The following ICA1 variants were observed in gnomAD, a reference collection of about 807,000 sequenced individuals.
ICA1 encodes the protein islet cell autoantigen 1.
Under a neutral mutation model 71.0 loss-of-function variants are expected in ICA1, and 40 were observed. That is an observed-to-expected ratio of 0.56 (90% CI 0.44 to 0.73). ICA1 has a LOEUF of 0.73. Ranked by LOEUF, ICA1 falls within the 30% of genes least tolerant of loss-of-function variation. ICA1 has a pLI of 0.00. For missense variants in ICA1, 578 were observed against 576.5 expected, an observed-to-expected ratio of 1.00 and a Z score of -0.03; for synonymous variants, 207 against 209.5, an observed-to-expected ratio of 0.99 and a Z score of 0.10.
At chr7:8,174,172 T>G (rs1779751837) in intron 6 of ICA1, among the ~76,000 whole-genome samples, 1 of 152,158 alleles carries the variant, frequency 6.6e-6, no homozygotes, top group Non-Finnish European at 1.5e-5. Context: ...TATGCGTGGC[T>G]TGTTCTAGGA....
rs572201952 is a variant in ICA1 at position 8,123,860 on chromosome 7, C to T, written c.1330+4013G>A. On this transcript the variant is annotated intron_variant, in intron 13 of 13. Coordinates refer to ENST00000402384, the MANE Select transcript of ICA1 (RefSeq NM_001136020.3). This position sits in a 1 kb window ranked among gnomAD's most constrained non-coding sequence, Gnocchi z 4.1. ...GGTGAAAGGCATGGATTCTGGAGTCCGGCTGCCTGGGCTCAAAATCCGGCC... is the reference window on the plus strand; with the variant it reads ...GGTGAAAGGCATGGATTCTGGAGTCTGGCTGCCTGGGCTCAAAATCCGGCC... Among the ~76,000 whole-genome samples, 8 of 152,316 alleles carry T rather than the reference C, an allele frequency of 5.3e-5. No homozygotes were observed. The East Asian group carries it at 1.2e-3, about 22-fold the overall frequency.
intron 9 of ICA1, among the ~76,000 whole-genome samples, chr7:8,143,228 C>A (rs1795810111): frequency 6.6e-6 from 1 of 152,158 alleles, no homozygotes. Context: ...AGAAAGGGAA[C>A]CATGCACCAC....
At position 8,218,167 on chromosome 7, in the gene ICA1, C is replaced by T. The variant is rs1583374157; in HGVS notation, c.579+138G>A. ...TGTATCACATTAATTGGTATTCTGT[C>T]ACATAAAAAGACACCAGCGATGATT... is the stretch of plus-strand genomic sequence containing the variant. On this transcript the variant is annotated intron_variant, in intron 6 of 13. Transcript: ENST00000402384. 4.2e-6 allele frequency: 3 copies of T among 706,420 alleles called. No individual in the cohort carries two copies. In the East Asian group the frequency reaches 7.5e-5, roughly 18 times the overall value. The allele number at this position is 706,420 out of a possible 1,614,324, so 43.8% of individuals were successfully genotyped here.
intron 1 of ICA1, among the ~76,000 whole-genome samples, chr7:8,253,622 A>G (rs117910106): frequency 0.019 from 2,911 of 152,264 alleles, 42 homozygotes; most frequent in Non-Finnish European, 0.028. Flanking sequence ...TTATAATCAT[A>G]TTTTTATATT....
intron 1 of ICA1, among the ~76,000 whole-genome samples, chr7:8,254,755 A>C (rs1809462704): frequency 6.6e-6 from 1 of 151,934 alleles, no homozygotes; most frequent in African/African-American, 2.4e-5. Context: ...AGGAAGCAGA[A>C]AGTGGGGAGT....
chr7:8,127,138 GCCTA>G (rs1476646512), intron 13 of ICA1, among the ~76,000 whole-genome samples: 2 of 149,528 alleles, frequency 1.3e-5, no homozygotes, highest in South Asian at 2.1e-4. Context: ...GTGCCATCAT[GCCTA>G]CCTAAGTTTT....
intron 12 of ICA1, among the ~76,000 whole-genome samples, chr7:8,135,312 C>T (rs1359282825): frequency 2.6e-5 from 4 of 152,106 alleles, no homozygotes; most frequent in Non-Finnish European, 5.9e-5. Context: ...CAAGTGTGAG[C>T]CACCGCGCCC....
chr7:8,228,635 C>T lies in ICA1; in HGVS notation c.222G>A (p.Ser74=), dbSNP rs772172251. The T allele has an allele frequency of 3.1e-5, 49 of 1,600,212 alleles. No individual in the cohort carries two copies. The Middle Eastern group carries it at 5.0e-4, about 16-fold the overall frequency. ...HSIQRTCLDL[S]KAIVLYQKRI... is the part of the protein sequence containing the mutation. ...TCTTTTGATAGAGTACAATTGCTTTCGATAAGTCCAGACAGGTTCTCTGAA... is the reference window on the plus strand; with the variant it reads ...TCTTTTGATAGAGTACAATTGCTTTTGATAAGTCCAGACAGGTTCTCTGAA... Residue 74 remains serine (S), a synonymous_variant, in exon 4 of 14, where the codon TCG becomes TCA. Transcript: ENST00000402384.
At chr7:8,261,078 G>A (rs1024580261) in intron 1 of ICA1, among the ~76,000 whole-genome samples, 10 of 152,102 alleles carry the variant, frequency 6.6e-5, no homozygotes, top group African/African-American at 2.4e-4. Flanking sequence ...ATATTTTCCA[G>A]GCCTTGATAA....
At chr7:8,172,622 TAAA>T (rs1808786334) in intron 6 of ICA1, among the ~76,000 whole-genome samples, 1 of 152,198 alleles carries the variant, frequency 6.6e-6, no homozygotes, top group Admixed American at 6.5e-5. Context: ...GTGTTAGATT[TAAA>T]ATAAACTCAT....
chr7:8,183,651 G>C (rs1782953377), intron 6 of ICA1, among the ~76,000 whole-genome samples: 1 of 152,142 alleles, frequency 6.6e-6, no homozygotes, highest in Non-Finnish European at 1.5e-5. Flanking sequence ...TCTGCCATTA[G>C]ATCTGGAAAA....
chr7:8,254,815 A>G (rs763278240), intron 1 of ICA1, among the ~76,000 whole-genome samples: 1 of 152,124 alleles, frequency 6.6e-6, no homozygotes, highest in African/African-American at 2.4e-5. Context: ...AATGATGCCA[A>G]TGCTGCAAAT....
At chr7:8,120,019 C>T (rs896898157) in intron 13 of ICA1, among the ~76,000 whole-genome samples, 1 of 152,098 alleles carries the variant, frequency 6.6e-6, no homozygotes, top group Non-Finnish European at 1.5e-5. Flanking sequence ...ATGAACCATA[C>T]AATGAACACC....
chr7:8,146,602 G>A (rs990173242), intron 8 of ICA1, among the ~76,000 whole-genome samples: 1 of 151,906 alleles, frequency 6.6e-6, no homozygotes, highest in African/African-American at 2.4e-5. Context: ...CTGCACTGGA[G>A]GGGAAAATGA....
rs1047386712 is a variant in ICA1, at chr7:8,234,891, C to T, written c.17+1019G>A. Among the ~76,000 whole-genome samples the T allele has an allele frequency of 2.0e-4, 30 of 152,114 alleles. No individual in the cohort carries two copies. The highest frequency in any genetic ancestry group is 6.8e-4 in the African/African-American group (28 of 41,406). On this transcript the variant is annotated intron_variant, in intron 2 of 13. Transcript: ENST00000402384. The surrounding 1 kb of genome is among the most constrained non-coding windows in gnomAD (Gnocchi z 4.5). ...CATAGAATGGATTTCTTTGGCCGGGCGCGGTGGCTCATGCCTGTAATCCCA... is the reference window on the plus strand; with the variant it reads ...CATAGAATGGATTTCTTTGGCCGGGTGCGGTGGCTCATGCCTGTAATCCCA...
chr7:8,122,419 T>C (rs1787343403), intron 13 of ICA1, among the ~76,000 whole-genome samples: 1 of 152,246 alleles, frequency 6.6e-6, no homozygotes, highest in Admixed American at 6.5e-5. Flanking sequence ...CCCTGTTCTA[T>C]AAAACAGGTG....
At chr7:8,114,581 G>A (rs2127986943) in intron 13 of ICA1, among the ~76,000 whole-genome samples, 1 of 152,238 alleles carries the variant, frequency 6.6e-6, no homozygotes, top group African/African-American at 2.4e-5. Context: ...ATCCTTTCCT[G>A]TTAAAAGGAG....
intron 6 of ICA1, among the ~76,000 whole-genome samples, chr7:8,170,026 A>T (rs770993947): frequency 2.0e-5 from 3 of 151,984 alleles, no homozygotes; most frequent in South Asian, 2.1e-4. Context: ...TATTACATTT[A>T]GACTTGAGAT....
intron 6 of ICA1, among the ~76,000 whole-genome samples, chr7:8,162,999 G>GA (rs1393582067): frequency 6.6e-6 from 1 of 152,140 alleles, no homozygotes; most frequent in Non-Finnish European, 1.5e-5. Flanking sequence ...TGTGACCTCA[G>GA]AAAATCCGCC....
Sources: allele counts gnomAD v4.1 joint callset (sites outside exome capture counted in the v4.1 genomes callset), GRCh38; gene constraint gnomAD v4.1.1; non-coding constraint Gnocchi (gnomAD v3.1); transcripts MANE v1.5; gene names NCBI Gene and HGNC (gene_info 2026-07-23, HGNC 2026-07-21).